PCDHA6: variants seen among roughly 807,000 people sequenced by gnomAD.
PCDHA6 encodes the protein protocadherin alpha-6.
In PCDHA6, 55 loss-of-function variants were observed where a neutral mutation model predicts 60.3. The observed-to-expected ratio is 0.91, with a 90% CI of 0.73 to 1.14. The LOEUF (loss-of-function observed/expected upper bound fraction) is 1.14. Ranked by LOEUF, PCDHA6 falls within the 50% of genes most tolerant of loss-of-function variation. The probability of loss-of-function intolerance (pLI) is 0.00; values close to 1 mark genes in which losing one functional copy is unlikely to be tolerated. For missense variants in PCDHA6, 1,327 were observed against 1,256.5 expected, an observed-to-expected ratio of 1.06 and a Z score of -0.85; for synonymous variants, 652 against 557.9, an observed-to-expected ratio of 1.17 and a Z score of -2.38.
In PCDHA6 at chr5:140,918,657, T is replaced by G. The variant is rs116489086; in HGVS notation, c.2395-60292T>G. Among the ~76,000 whole-genome samples, 1,219 of 152,370 alleles carry G rather than the reference T, an allele frequency of 8.0e-3. 6 individuals are homozygous for G. The highest frequency in any genetic ancestry group is 0.019 in the African/African-American group (787 of 41,596). ...CATAAATTGAAACCTAATTCTCATG[T>G]TGATGGTATGAAGAGGTGAGACCTT... On this transcript the variant is annotated intron_variant, in intron 1 of 3. Coordinates refer to ENST00000529310, the MANE Select transcript of PCDHA6 (RefSeq NM_018909.4).
chr5:140,926,704 T>C (rs1481559865), intron 1 of PCDHA6: 7 of 842,670 alleles, frequency 8.3e-6, no homozygotes, highest in Non-Finnish European at 1.2e-5. Context: ...GGCTCCCAGC[T>C]GGCCAGCCCC....
chr5:140,870,905 G>T (rs2052526417), intron 1 of PCDHA6: 1 of 1,613,958 alleles, frequency 6.2e-7, no homozygotes, highest in Non-Finnish European at 8.5e-7. Context: ...GCGGACTCAG[G>T]CTACAACGCG....
chr5:140,829,828 G>C lies in PCDHA6; in HGVS notation c.1737G>C (p.Glu579Asp). 1 of 1,613,938 alleles carries C rather than the reference G, an allele frequency of 6.2e-7. No homozygotes were observed. Among genetic ancestry groups the C allele is most frequent in the Non-Finnish European group, 8.5e-7 (1 of 1,179,894 alleles). Residue 579 changes from glutamate to aspartate, a missense_variant, in exon 1 of 4, where the codon GAG becomes GAC. Coordinates refer to ENST00000529310, the MANE Select transcript of PCDHA6 (RefSeq NM_018909.4). ...GTGGTACTGGTGGTGCAGTGAGCGAGCTGGTGCCGCGGTCACTGGGTGCAG... is the reference window on the plus strand; with the variant it reads ...GTGGTACTGGTGGTGCAGTGAGCGACCTGGTGCCGCGGTCACTGGGTGCAG... ...RVGGTGGAVS[E>D]LVPRSLGAGQ...
chr5:140,831,428 T>A (rs1771525057), intron 1 of PCDHA6, among the ~76,000 whole-genome samples: 1 of 151,652 alleles, frequency 6.6e-6, no homozygotes. Context: ...GGTGCAATAA[T>A]GGCTCACTGC....
intron 1 of PCDHA6, chr5:140,966,215 A>G (rs1554228144): frequency 4.1e-6 from 1 of 244,868 alleles, no homozygotes; most frequent in Non-Finnish European, 7.7e-6. Flanking sequence ...CTTTTCCCAG[A>G]CTAATCTCCT....
intron 1 of PCDHA6, among the ~76,000 whole-genome samples, chr5:140,974,053 T>C (rs529581642): frequency 6.6e-6 from 1 of 152,346 alleles, no homozygotes; most frequent in African/African-American, 2.4e-5. Flanking sequence ...TATGATAATA[T>C]TTGGAGCAGT....
chr5:140,913,035 T>C (rs1277110200), intron 1 of PCDHA6, among the ~76,000 whole-genome samples: 2 of 152,242 alleles, frequency 1.3e-5, no homozygotes, highest in African/African-American at 4.8e-5. Context: ...TCATCAGATA[T>C]ATTGGCCTGG....
At chr5:140,914,140 T>C (rs1006570934) in intron 1 of PCDHA6, among the ~76,000 whole-genome samples, 2 of 152,230 alleles carry the variant, frequency 1.3e-5, no homozygotes, top group African/African-American at 4.8e-5. Flanking sequence ...AGTTTTTGTC[T>C]GTCAGTTCTG....
At chr5:140,836,455 C>A in intron 1 of PCDHA6, 1 of 1,613,840 alleles carries the variant, frequency 6.2e-7, no homozygotes, top group Non-Finnish European at 8.5e-7. Context: ...GGCCCAGAGA[C>A]CGAGCTGGTG....
At chr5:140,936,571 C>G (rs2153629502) in intron 1 of PCDHA6, among the ~76,000 whole-genome samples, 1 of 152,342 alleles carries the variant, frequency 6.6e-6, no homozygotes, top group African/African-American at 2.4e-5. Flanking sequence ...ATATTTTCCA[C>G]TTGTAAATCC....
chr5:140,886,012 T>C (rs1363937487), intron 1 of PCDHA6, among the ~76,000 whole-genome samples: 1 of 152,190 alleles, frequency 6.6e-6, no homozygotes, highest in Non-Finnish European at 1.5e-5. Context: ...TAAAGGGAGA[T>C]GCTATGTATT....
chr5:140,913,178 A>G (rs2076245523), intron 1 of PCDHA6, among the ~76,000 whole-genome samples: 1 of 152,156 alleles, frequency 6.6e-6, no homozygotes, highest in African/African-American at 2.4e-5. Context: ...TCTTCTTTAA[A>G]TGTTTGGTAG....
chr5:141,006,224 T>A (rs1265190589), intron 3 of PCDHA6, among the ~76,000 whole-genome samples: 1 of 152,072 alleles, frequency 6.6e-6, no homozygotes, highest in African/African-American at 2.4e-5. Flanking sequence ...TTAAATTTTT[T>A]ATTTTTAGAT....
In PCDHA6 at chr5:140,917,987, A is replaced by G. The variant is rs140618239; in HGVS notation, c.2395-60962A>G. 3.9e-3 allele frequency among the ~76,000 whole-genome samples: 598 copies of G among 152,198 alleles called. 2 individuals are homozygous for G. The highest frequency in any genetic ancestry group is 5.9e-3 in the Admixed American group (90 of 15,276). ...GAATCTGTGAATTGCTTTGGACAGT[A>G]TGGTTATCTTAACAATGTTGTTTCT... On this transcript the variant is annotated intron_variant, in intron 1 of 3. Coordinates refer to ENST00000529310, the MANE Select transcript of PCDHA6 (RefSeq NM_018909.4).
chr5:140,829,588 G>A lies in PCDHA6; in HGVS notation c.1497G>A (p.Val499=), dbSNP rs2150170714. ...LVSYSLVERR[V]GERALSSYIS... ...CCTACTCGCTGGTGGAGCGGCGGGT[G>A]GGCGAGCGCGCGTTGTCGAGCTACA... The change falls in exon 1 of 4, where the codon GTG becomes GTA. Residue 499 remains valine (V), a synonymous_variant. Transcript: ENST00000529310. 36 of 1,611,952 alleles carry A rather than the reference G, an allele frequency of 2.2e-5. No individual in the cohort carries two copies. The African/African-American group carries it at 4.3e-4, about 19-fold the overall frequency.
At chr5:140,835,820 G>A (rs1554135305) in intron 1 of PCDHA6, 5 of 1,612,676 alleles carry the variant, frequency 3.1e-6, no homozygotes, top group Non-Finnish European at 4.2e-6. Flanking sequence ...CTGTGTCGGC[G>A]GGGGACGCGG....
At chr5:140,832,646 A>T (rs141278447) in intron 1 of PCDHA6, among the ~76,000 whole-genome samples, 20 of 152,312 alleles carry the variant, frequency 1.3e-4, no homozygotes, top group African/African-American at 4.3e-4. Context: ...GAGGGTCTTT[A>T]AGAGTATCAC....
rs782568001 is a variant in PCDHA6, at chr5:140,876,674, A to G, written c.2394+46189A>G. The G allele has an allele frequency of 5.0e-6, 8 of 1,614,142 alleles. No homozygotes were observed. The South Asian group carries it at 7.7e-5, about 16-fold the overall frequency. On this transcript the variant is annotated intron_variant, in intron 1 of 3. Transcript: ENST00000529310. ...GTTCCCTTCAAGCTGGTGTCCACCTACAAGAATTACTACTCGTTGGTGCTG... is the reference window on the plus strand; with the variant it reads ...GTTCCCTTCAAGCTGGTGTCCACCTGCAAGAATTACTACTCGTTGGTGCTG...
intron 1 of PCDHA6, chr5:140,835,666 G>C: frequency 6.2e-7 from 1 of 1,613,936 alleles, no homozygotes; most frequent in South Asian, 1.1e-5. Context: ...GTTACCGCGC[G>C]GGACGGGGGC....
Sources: allele counts gnomAD v4.1 joint callset (sites outside exome capture counted in the v4.1 genomes callset), GRCh38; gene constraint gnomAD v4.1.1; transcripts MANE v1.5; gene names NCBI Gene and HGNC (gene_info 2026-07-23, HGNC 2026-07-21).